Variants in POLD2 observed in about 807,000 individuals in gnomAD.
The protein encoded by POLD2 is DNA polymerase delta 2, accessory subunit.
Under a neutral mutation model 48.8 loss-of-function variants are expected in POLD2, and 31 were observed. The observed-to-expected ratio is 0.64, with a 90% confidence interval of 0.48 to 0.86. The LOEUF (loss-of-function observed/expected upper bound fraction) is 0.86. Among genes scored for constraint, POLD2 ranks in the 40% least tolerant of loss-of-function variants. The pLI, the probability that POLD2 is intolerant of heterozygous loss-of-function variation, is 0.00. For missense variants in POLD2, 455 were observed against 610.1 expected (o/e 0.75, Z 2.68); for synonymous variants, 233 against 256.3 (o/e 0.91, Z 0.87).
chr7:44,123,675 CCAGTCCCTGGGACGCCCAGAGA>C, upstream of POLD2: 2 of 1,370,510 alleles, frequency 1.5e-6, no homozygotes, highest in South Asian at 3.3e-5. Flanking sequence ...CACTGTGCGC[CCAGTCCCTGGGACGCCCAGAGA>C]ACGCGGAGCC....
rs765334653 is a variant in POLD2, at chr7:44,117,748, A to G, written c.343-6T>C. On this transcript the variant is annotated splice_polypyrimidine_tract_variant and splice_region_variant and intron_variant, in intron 3 of 10. Coordinates refer to ENST00000610533, the MANE Select transcript of POLD2 (RefSeq NM_006230.4). ...GGCTGGGGGAGCAGGTTGTGCTGGA[A>G]TGCAGAGACAGGAGGTATAATCTTG... 1 of 1,613,940 alleles carries G rather than the reference A, an allele frequency of 6.2e-7. No homozygotes were observed. Among genetic ancestry groups the G allele is most frequent in the Non-Finnish European group, 8.5e-7 (1 of 1,179,932 alleles).
In POLD2 at chr7:44,123,531, G is replaced by A. The variant is rs868269578; in HGVS notation, c.-77C>T. On this transcript the variant is annotated 5_prime_UTR_variant, in exon 1 of 11. Transcript: ENST00000610533. ...CTCACCGCGCGGCGCGCCGCATCCC[G>A]CCAATCCCCGCGCGCCTGCCCCGCC... is the stretch of plus-strand genomic sequence containing the variant. 9 of 1,487,362 alleles carry A rather than the reference G, an allele frequency of 6.1e-6. No individual in the cohort carries two copies. Among genetic ancestry groups the A allele is most frequent in the Non-Finnish European group, 6.2e-6 (7 of 1,126,790 alleles). 92.1% of individuals were successfully genotyped at this position (1,487,362 alleles called of 1,614,324 possible). A position where few individuals can be genotyped will look rare whatever the true frequency, so the allele number is the denominator to read the frequency against.
At position 44,116,310 on chromosome 7, in the gene POLD2, G is replaced by GA; in HGVS notation, c.862-39dup. 1 of 1,595,772 alleles carries GA rather than the reference G, an allele frequency of 6.3e-7. No individual in the cohort carries two copies. The highest frequency in any genetic ancestry group is 8.6e-7 in the Non-Finnish European group (1 of 1,169,194). Reference sequence around the variant, plus strand: ...GGGCAGGGAGAGCTCACAGGGCCCCGAAGGAGCCCCCTACACCAACTCCGG... The same window carrying GA: ...GGGCAGGGAGAGCTCACAGGGCCCCGAAAGGAGCCCCCTACACCAACTCCGG... On this transcript the variant is annotated intron_variant, in intron 7 of 10. Coordinates refer to ENST00000610533, the MANE Select transcript of POLD2 (RefSeq NM_006230.4). The surrounding 1 kb of genome is among the most constrained non-coding windows in gnomAD (Gnocchi z 6.1).
At chr7:44,122,553 A>C in intron 1 of POLD2, 1 of 689,702 alleles carries the variant, frequency 1.4e-6, no homozygotes, top group Non-Finnish European at 1.8e-6. Flanking sequence ...CTAAACCAAA[A>C]CCAAAACATA....
chr7:44,120,507 C>CA (rs2128812450), intron 2 of POLD2, among the ~76,000 whole-genome samples: 1 of 152,260 alleles, frequency 6.6e-6, no homozygotes, highest in South Asian at 2.1e-4. Context: ...CTCAGGTAAA[C>CA]AAAACAGAAA....
chr7:44,118,844 T>C (rs184814471), intron 2 of POLD2, among the ~76,000 whole-genome samples: 181 of 152,200 alleles, frequency 1.2e-3, no homozygotes, highest in African/African-American at 4.2e-3. Flanking sequence ...AGTCAACCAG[T>C]TTGTGGTGCT....
rs1210121242 is a variant in POLD2 at position 44,121,094 on chromosome 7, C to A, written c.220+740G>T. The stretch of plus-strand genomic sequence containing the variant: ...AGTAAAAATGAGTAAGACCTGGTCT[C>A]ACCTACTAAATCCTCAGTTTAAAAA... On this transcript the variant is annotated intron_variant, in intron 2 of 10. Coordinates refer to ENST00000610533, the MANE Select transcript of POLD2 (RefSeq NM_006230.4). The surrounding 1 kb of genome is among the most constrained non-coding windows in gnomAD (Gnocchi z 4.5). 6.6e-6 allele frequency among the ~76,000 whole-genome samples: 1 copy of A among 152,150 alleles called. No individual in the cohort carries two copies. Among genetic ancestry groups the A allele is most frequent in the Non-Finnish European group, 1.5e-5 (1 of 68,038 alleles).
rs2096248696 is a variant in POLD2, at chr7:44,121,901, G to A, written c.153C>T (p.Ala51=). The change falls in exon 2 of 11, where the codon GCC becomes GCT. Residue 51 remains alanine, a synonymous_variant. Coordinates refer to ENST00000610533, the MANE Select transcript of POLD2 (RefSeq NM_006230.4). The surrounding 1 kb of genome is among the most constrained non-coding windows in gnomAD (Gnocchi z 4.5). ...GGATGAGGCGGGTGGCATAAATGTG[G>A]GCATACTGCCGGCTAAAGCTGCGCT... The part of the protein sequence containing the change: ...LGERSFSRQY[A]HIYATRLIQM... The A allele has an allele frequency of 1.2e-6, 2 of 1,613,742 alleles. No homozygotes were observed. Among genetic ancestry groups the A allele is most frequent in the Non-Finnish European group, 8.5e-7 (1 of 1,180,040 alleles).
Position 44,118,269 on chromosome 7 carries a change from G to C in POLD2, c.221-205C>G, listed in dbSNP as rs1179447299. On this transcript the variant is annotated intron_variant, in intron 2 of 10. Coordinates refer to ENST00000610533, the MANE Select transcript of POLD2 (RefSeq NM_006230.4). ...CAGGAGACCAGGGACTCTGGGTGTG[G>C]TTGGGCCCTGGATGCCAAGTGTCCT... 3 of 541,204 alleles carry C rather than the reference G, an allele frequency of 5.5e-6. No homozygotes were observed. In the East Asian group the frequency reaches 9.8e-5, roughly 18 times the overall value. The allele number at this position is 541,204 out of a possible 1,614,324, so 33.5% of individuals were successfully genotyped here. A position where few individuals can be genotyped will look rare whatever the true frequency, so the allele number is the denominator to read the frequency against.
intron 3 of POLD2, 78 bp downstream of exon 3, chr7:44,117,865 C>T (rs2096242697): frequency 5.6e-6 from 9 of 1,596,924 alleles, no homozygotes; most frequent in Non-Finnish European, 6.8e-6. Flanking sequence ...TGCTTCCCCA[C>T]AACCCCACCT....
chr7:44,123,761 G>T, upstream of POLD2: 3 of 1,302,732 alleles, frequency 2.3e-6, no homozygotes, highest in South Asian at 1.9e-5. Context: ...CCGGCGCCGC[G>T]GGTCTTTGGT....
chr7:44,114,696 C>G lies in POLD2; in HGVS notation c.*89G>C. 5 of 1,380,100 alleles carry G rather than the reference C, an allele frequency of 3.6e-6. No individual in the cohort carries two copies. Among genetic ancestry groups the G allele is most frequent in the Non-Finnish European group, 5.0e-6 (5 of 1,006,620 alleles). The allele number at this position is 1,380,100 out of a possible 1,614,324, so 85.5% of individuals were successfully genotyped here. On this transcript the variant is annotated 3_prime_UTR_variant, in exon 11 of 11. Transcript: ENST00000610533. ...GCCCAGGGCTCAAGGCTCGCATCAG[C>G]AAGTGCTCAGGCTTTATTTACAATG...
intron 2 of POLD2, 136 bp from the exon 3 acceptor site, chr7:44,118,200 GGACCCC>G: frequency 1.0e-6 from 1 of 957,684 alleles, no homozygotes; most frequent in Non-Finnish European, 1.5e-6. Flanking sequence ...TCAAGTACAA[GGACCCC>G]CTGGACTTCA....
chr7:44,117,826 AC>A (rs2096242642), intron 3 of POLD2, 84 bp from the exon 4 acceptor site: 2 of 1,598,644 alleles, frequency 1.3e-6, no homozygotes, highest in Admixed American at 3.4e-5. Context: ...CGCAGCCCCC[AC>A]CCCTCTGGAG....
At chr7:44,123,322 GGCCGC>G in intron 1 of POLD2, 184 bp downstream of exon 1, 1 of 1,365,936 alleles carries the variant, frequency 7.3e-7, no homozygotes, top group South Asian at 1.7e-5. Context: ...GCAGCAGCCA[GGCCGC>G]GCTACTCGGG....
At chr7:44,118,290 G>A in intron 2 of POLD2, 1 of 490,686 alleles carries the variant, frequency 2.0e-6, no homozygotes, top group Middle Eastern at 5.6e-4. Context: ...GATGCCAAGT[G>A]TCCTCATGAG....
chr7:44,117,854 C>A (rs1288540463), intron 3 of POLD2, 89 bp downstream of exon 3: 5 of 1,595,924 alleles, frequency 3.1e-6, no homozygotes, highest in Middle Eastern at 1.7e-4. Flanking sequence ...GTCTCTGAAC[C>A]TGCTTCCCCA....
At chr7:44,118,896 C>T (rs2096244609) in intron 2 of POLD2, among the ~76,000 whole-genome samples, 1 of 152,100 alleles carries the variant, frequency 6.6e-6, no homozygotes, top group Admixed American at 6.5e-5. Flanking sequence ...AGTACTGCTT[C>T]ACTTATACCT....
At position 44,122,063 on chromosome 7, in the gene POLD2, C is replaced by T; in HGVS notation, c.-10G>A. The T allele has an allele frequency of 1.2e-6, 2 of 1,612,186 alleles. No homozygotes were observed. Among genetic ancestry groups the T allele is most frequent in the Middle Eastern group, 2.1e-4 (1 of 4,854 alleles). On this transcript the variant is annotated 5_prime_UTR_variant, in exon 2 of 11. Coordinates refer to ENST00000610533, the MANE Select transcript of POLD2 (RefSeq NM_006230.4). ...CCTGCTCAGAAAACATGGCCACACT[C>T]CTGACTTGCTTGGTCCACACAGCTT...
Sources: allele counts gnomAD v4.1 joint callset (sites outside exome capture counted in the v4.1 genomes callset), GRCh38; gene constraint gnomAD v4.1.1; non-coding constraint Gnocchi (gnomAD v3.1); transcripts MANE v1.5; gene names NCBI Gene and HGNC (gene_info 2026-07-23, HGNC 2026-07-21).